Variants in WWOX observed in about 807,000 individuals in gnomAD.
The protein encoded by WWOX is WW domain-containing oxidoreductase.
In WWOX, 69 loss-of-function variants were observed where a neutral mutation model predicts 46.2. The ratio of observed to expected loss-of-function variants is 1.49; its 90% confidence interval spans 1.23 to 1.82. The LOEUF (loss-of-function observed/expected upper bound fraction) is 1.82. Ranked by LOEUF, WWOX falls within the 40% of genes most tolerant of loss-of-function variation. WWOX has a pLI of 0.00. For missense variants in WWOX, 919 were observed against 542.6 expected (o/e 1.69, Z -6.89); for synonymous variants, 359 against 202.6 (o/e 1.77, Z -6.56).
intron 8 of WWOX, among the ~76,000 whole-genome samples, chr16:78,933,543 C>A (rs897103830): frequency 1.3e-5 from 2 of 152,200 alleles, no homozygotes; most frequent in Non-Finnish European, 2.9e-5. Context: ...CCAGTGTGAA[C>A]TGCTCCTTTA....
In WWOX at chr16:79,174,065, C is replaced by A. The variant is rs1187374087; in HGVS notation, c.1057-37543C>A. On this transcript the variant is annotated intron_variant, in intron 8 of 8. Transcript: ENST00000566780. ...ATTGTAAGTGGTGCTCACATACAGT[C>A]AGAATGTTTATTTGACCTTGATCTT... 2.0e-5 allele frequency among the ~76,000 whole-genome samples: 3 copies of A among 152,172 alleles called. No homozygotes were observed. In the East Asian group the frequency reaches 5.8e-4, roughly 29 times the overall value.
In WWOX at chr16:78,312,816, C is replaced by G. The variant is rs1339241756; in HGVS notation, c.517-74044C>G. Among the ~76,000 whole-genome samples, 4 of 152,286 alleles carry G rather than the reference C, an allele frequency of 2.6e-5. No individual in the cohort carries two copies. The East Asian group carries it at 7.7e-4, about 29-fold the overall frequency. On this transcript the variant is annotated intron_variant, in intron 5 of 8. Transcript: ENST00000566780. ...CTTAGGTCCAGTCTTGTGACTGAAC[C>G]AACCAGACAGGCCTAGGCTCTGCCC...
At chr16:78,451,360 C>T (rs1299831580) in intron 8 of WWOX, among the ~76,000 whole-genome samples, 1 of 152,176 alleles carries the variant, frequency 6.6e-6, no homozygotes, top group Non-Finnish European at 1.5e-5. Context: ...ATTCACATTT[C>T]TTAGGACTAA....
chr16:78,573,732 G>GTTC (rs1208358199), intron 8 of WWOX, among the ~76,000 whole-genome samples: 1 of 152,184 alleles, frequency 6.6e-6, no homozygotes, highest in Non-Finnish European at 1.5e-5. Flanking sequence ...CTTTCATCAG[G>GTTC]TTCACTTGCT....
At chr16:78,567,696 A>G (rs187799377) in intron 8 of WWOX, among the ~76,000 whole-genome samples, 1,746 of 151,906 alleles carry the variant, frequency 0.011, 30 homozygotes, top group Middle Eastern at 0.048. Flanking sequence ...GCTGTTCCCC[A>G]CTGGCTGTGG....
At chr16:78,402,177 T>C (rs1401226298) in intron 6 of WWOX, among the ~76,000 whole-genome samples, 1 of 152,246 alleles carries the variant, frequency 6.6e-6, no homozygotes, top group African/African-American at 2.4e-5. Flanking sequence ...AGCAGTCTGC[T>C]TTCTATCTCT....
At chr16:78,721,381 T>C (rs2048685384) in intron 8 of WWOX, among the ~76,000 whole-genome samples, 1 of 152,224 alleles carries the variant, frequency 6.6e-6, no homozygotes, top group Non-Finnish European at 1.5e-5. Context: ...TATTTAAAAA[T>C]CTGTGTAGTG....
intron 8 of WWOX, among the ~76,000 whole-genome samples, chr16:78,588,493 G>T (rs369308597): frequency 3.3e-5 from 5 of 152,284 alleles, no homozygotes; most frequent in African/African-American, 4.8e-5. Context: ...TATTTTTGTA[G>T]TGGCCTCACA....
chr16:79,025,885 G>A (rs1427367443), intron 8 of WWOX, among the ~76,000 whole-genome samples: 2 of 139,236 alleles, frequency 1.4e-5, no homozygotes, highest in South Asian at 2.3e-4. Context: ...TGCAGCCTCC[G>A]CCTCCTGGGT....
At chr16:79,040,846 C>T (rs944864158) in intron 8 of WWOX, among the ~76,000 whole-genome samples, 5 of 151,864 alleles carry the variant, frequency 3.3e-5, no homozygotes, top group Admixed American at 2.0e-4. Context: ...GATTTTTTTC[C>T]GATCACAGAA....
intron 5 of WWOX, among the ~76,000 whole-genome samples, chr16:78,245,217 A>G (rs944393484): frequency 6.6e-6 from 1 of 152,220 alleles, no homozygotes; most frequent in African/African-American, 2.4e-5. Flanking sequence ...GGTCCTGAAC[A>G]GTGCTTTGAA....
chr16:78,800,342 G>A (rs901917289), intron 8 of WWOX, among the ~76,000 whole-genome samples: 2 of 152,038 alleles, frequency 1.3e-5, no homozygotes, highest in Non-Finnish European at 2.9e-5. Context: ...TTAACACAAA[G>A]ACAAATATGT....
At chr16:78,905,825 A>G (rs2044948779) in intron 8 of WWOX, among the ~76,000 whole-genome samples, 2 of 152,334 alleles carry the variant, frequency 1.3e-5, no homozygotes, top group East Asian at 1.9e-4. Context: ...GGGAATCTGG[A>G]TTTCAAATGC....
chr16:78,386,150 A>G (rs772418911), intron 5 of WWOX, among the ~76,000 whole-genome samples: 1 of 152,166 alleles, frequency 6.6e-6, no homozygotes, highest in African/African-American at 2.4e-5. Context: ...AAGATGCTGC[A>G]TTGTCAAATG....
Position 78,916,898 on chromosome 16 carries a change from T to C in WWOX, c.1057-294710T>C, listed in dbSNP as rs538792611. On this transcript the variant is annotated intron_variant, in intron 8 of 8. Coordinates refer to ENST00000566780, the MANE Select transcript of WWOX (RefSeq NM_016373.4). ...AACAGGCTTAATTAACTGAAAGATA[T>C]AGGTGTGGTAAGGGGATCAGGTAAA... Among the ~76,000 whole-genome samples, 233 of 152,322 alleles carry C rather than the reference T, an allele frequency of 1.5e-3. 2 individuals carry two copies. The highest frequency in any genetic ancestry group is 2.7e-3 in the Admixed American group (41 of 15,304).
intron 8 of WWOX, among the ~76,000 whole-genome samples, chr16:78,474,134 A>G (rs1224231688): frequency 6.6e-6 from 1 of 152,230 alleles, no homozygotes; most frequent in East Asian, 1.9e-4. Flanking sequence ...TGACTGTTAC[A>G]CGTTTATGGA....
intron 8 of WWOX, among the ~76,000 whole-genome samples, chr16:78,444,680 G>A (rs916014451): frequency 5.3e-5 from 8 of 151,712 alleles, no homozygotes; most frequent in Non-Finnish European, 8.8e-5. Context: ...ACAGGCGCGT[G>A]CCACCACACC....
intron 8 of WWOX, among the ~76,000 whole-genome samples, chr16:78,721,610 G>A (rs973609264): frequency 6.6e-6 from 1 of 152,156 alleles, no homozygotes; most frequent in Admixed American, 6.6e-5. Flanking sequence ...TTTTTATAAA[G>A]CAGGACATGT....
chr16:78,197,601 A>G (rs1383214989), intron 5 of WWOX, among the ~76,000 whole-genome samples: 1 of 152,242 alleles, frequency 6.6e-6, no homozygotes, highest in Admixed American at 6.5e-5. Context: ...TTGTGATAGA[A>G]GGCTGTGTGT....
Sources: gnomAD v4.1 joint callset for allele counts (sites outside exome capture counted in the v4.1 genomes callset) on GRCh38, gnomAD v4.1.1 for gene constraint, MANE v1.5 for transcripts, NCBI Gene and HGNC (gene_info 2026-07-23, HGNC 2026-07-21) for gene names.